Variants in DUSP12 observed in about 807,000 individuals in gnomAD.
DUSP12 encodes the protein dual specificity protein phosphatase 12.
A neutral mutation model predicts 38.9 loss-of-function variants in DUSP12; 25 were observed. The ratio of observed to expected loss-of-function variants is 0.64; its 90% CI spans 0.47 to 0.90. The LOEUF is 0.90. Among genes scored for constraint, DUSP12 ranks in the 40% least tolerant of loss-of-function variants. The pLI is 0.00. For missense variants in DUSP12, 403 were observed against 427.0 expected (o/e 0.94, Z 0.50); for synonymous variants, 153 against 153.9 (o/e 0.99, Z 0.05).
At chr1:161,750,640 G>C (rs72706016) in intron 1 of DUSP12, among the ~76,000 whole-genome samples, 34,783 of 152,166 alleles carry the variant, frequency 0.23, 5,155 homozygotes, top group Middle Eastern at 0.35. Flanking sequence ...TTGCAGCAAA[G>C]ACAAAAAGAA....
At position 161,749,808 on chromosome 1, in the gene DUSP12, GA is replaced by G. The variant is rs1557941835; in HGVS notation, c.8del (p.Glu3GlyfsTer46). On this transcript the variant is annotated frameshift_variant, in exon 1 of 6. Coordinates refer to ENST00000367943, the MANE Select transcript of DUSP12 (RefSeq NM_007240.3). LOFTEE classifies it high-confidence loss of function. Reference sequence around the variant, plus strand: ...CTTGTCTCTGGGCGCGGCCATGTTGGAGGCTCCGGGCCCGAGTGATGGCTGC... The same window carrying G: ...CTTGTCTCTGGGCGCGGCCATGTTGGGGCTCCGGGCCCGAGTGATGGCTGC... MLEAPGPSDGCEL... is the reference protein window; with the variant it reads MLXAPGPSDGCEL... 3.8e-6 allele frequency: 6 copies of G among 1,574,260 alleles called. No homozygotes were observed. Among genetic ancestry groups the G allele is most frequent in the Non-Finnish European group, 5.2e-6 (6 of 1,161,174 alleles).
intron 1 of DUSP12, 103 bp downstream of exon 1, chr1:161,750,248 G>C: frequency 7.6e-7 from 1 of 1,315,004 alleles, no homozygotes; most frequent in Admixed American, 2.6e-5. Context: ...GCGCGGTCAT[G>C]CCGCGTGAAC....
At position 161,757,024 on chromosome 1, in the gene DUSP12, T is replaced by A; in HGVS notation, c.*77T>A. On this transcript the variant is annotated 3_prime_UTR_variant, in exon 6 of 6. Coordinates refer to ENST00000367943, the MANE Select transcript of DUSP12 (RefSeq NM_007240.3). Reference sequence around the variant, plus strand: ...TTGCTTCTTATCATTCATGGCAGATTGTTTGTGCTTTCAACATTTCATTTG... The same window carrying A: ...TTGCTTCTTATCATTCATGGCAGATAGTTTGTGCTTTCAACATTTCATTTG... The A allele has an allele frequency of 7.3e-7, 1 of 1,377,246 alleles. No homozygotes were observed. The highest frequency in any genetic ancestry group is 2.3e-5 in the Admixed American group (1 of 44,426). 85.3% of individuals were successfully genotyped at this position (1,377,246 alleles called of 1,614,324 possible).
At position 161,751,789 on chromosome 1, in the gene DUSP12, C is replaced by T. The variant is rs769344053; in HGVS notation, c.458+8C>T. The T allele has an allele frequency of 3.1e-6, 5 of 1,603,162 alleles. No homozygotes were observed. The South Asian group carries it at 3.4e-5, about 11-fold the overall frequency. On this transcript the variant is annotated splice_region_variant and intron_variant, in intron 2 of 5. Transcript: ENST00000367943. ...TCTCAAACCAGAGGCTAAGTGGGTTCTTTTTTTATAGTAATAATTATGCTT... is the reference window on the plus strand; with the variant it reads ...TCTCAAACCAGAGGCTAAGTGGGTTTTTTTTTTATAGTAATAATTATGCTT...
In DUSP12 at chr1:161,753,291, T is replaced by C. The variant is rs550098699; in HGVS notation, c.861+30T>C. 2.7e-6 allele frequency: 4 copies of C among 1,493,624 alleles called. No individual in the cohort carries two copies. In the African/African-American group the frequency reaches 5.7e-5, roughly 21 times the overall value. 92.5% of individuals were successfully genotyped at this position (1,493,624 alleles called of 1,614,324 possible). On this transcript the variant is annotated intron_variant, in intron 5 of 5. Coordinates refer to ENST00000367943, the MANE Select transcript of DUSP12 (RefSeq NM_007240.3). Reference sequence around the variant, plus strand: ...GAACACATTTTATTTTCTACAATTTTATTTTATGATCTATATTTTATTCCT... The same window carrying C: ...GAACACATTTTATTTTCTACAATTTCATTTTATGATCTATATTTTATTCCT...
chr1:161,752,272 G>A (rs1418426049), intron 3 of DUSP12, 96 bp from the exon 4 acceptor site: 2 of 873,694 alleles, frequency 2.3e-6, no homozygotes, highest in African/African-American at 3.4e-5. Flanking sequence ...AATTTTTGAG[G>A]TTAGCACTTG....
At position 161,750,028 on chromosome 1, in the gene DUSP12, G is replaced by A; in HGVS notation, c.227G>A (p.Trp76Ter). The change falls in exon 1 of 6, where the codon TGG becomes TAG. Residue 76 changes from tryptophan (W) to a stop codon, truncating the protein, a stop_gained. Transcript: ENST00000367943. LOFTEE classifies it high-confidence loss of function. ...GCGGGGCCTGGGGTCGAGGATCTAT[G>A]GCGCCTCTTCGTGCCAGCGCTGGAC... ...FKAGPGVEDL[W>*]RLFVPALDKP... is the part of the protein sequence containing the mutation. 1.2e-6 allele frequency: 2 copies of A among 1,614,048 alleles called. No homozygotes were observed. The highest frequency in any genetic ancestry group is 4.5e-5 in the East Asian group (2 of 44,884).
rs1256113924 is a variant in DUSP12 at position 161,753,128 on chromosome 1, C to CTA, written c.731_732dup (p.Ala245Ter). On this transcript the variant is annotated frameshift_variant, in exon 5 of 6. Coordinates refer to ENST00000367943, the MANE Select transcript of DUSP12 (RefSeq NM_007240.3). LOFTEE classifies it high-confidence loss of function. ...CTGGATCACCGTGAAGGAAGTGGACCTATAGCCTTTGCCCACAAGAGAATG... is the reference window on the plus strand; with the variant it reads ...CTGGATCACCGTGAAGGAAGTGGACCTATATAGCCTTTGCCCACAAGAGAATG... 1 of 1,613,724 alleles carries CTA rather than the reference C, an allele frequency of 6.2e-7. No individual in the cohort carries two copies. Among genetic ancestry groups the CTA allele is most frequent in the Non-Finnish European group, 8.5e-7 (1 of 1,179,888 alleles).
At chr1:161,751,817 G>A (rs376478716) in intron 2 of DUSP12, 36 bp downstream of exon 2, 2 of 1,601,150 alleles carry the variant, frequency 1.2e-6, no homozygotes, top group African/African-American at 2.7e-5. Context: ...TTATGCTTTT[G>A]TGATATAATT....
chr1:161,756,483 C>CTAGATATATA (rs1684110557), intron 5 of DUSP12, among the ~76,000 whole-genome samples: 1 of 124,700 alleles, frequency 8.0e-6, no homozygotes, highest in Non-Finnish European at 1.7e-5. Context: ...GATTTAAAAG[C>CTAGATATATA]TATATATATA....
intron 4 of DUSP12, 75 bp from the exon 5 acceptor site, chr1:161,752,998 AAG>A: frequency 6.9e-7 from 1 of 1,455,462 alleles, no homozygotes; most frequent in South Asian, 1.4e-5. Flanking sequence ...TCAAAAAAAA[AAG>A]AAATACCGCA....
chr1:161,752,313 C>G, intron 3 of DUSP12, 55 bp from the exon 4 acceptor site: 3 of 1,239,142 alleles, frequency 2.4e-6, no homozygotes, highest in Non-Finnish European at 3.5e-6. Context: ...CTGAATTTAT[C>G]TGAAAATGCA....
At position 161,756,975 on chromosome 1, in the gene DUSP12, A is replaced by T; in HGVS notation, c.*28A>T. 1 of 1,602,626 alleles carries T rather than the reference A, an allele frequency of 6.2e-7. No individual in the cohort carries two copies. Among genetic ancestry groups the T allele is most frequent in the Non-Finnish European group, 8.5e-7 (1 of 1,172,084 alleles). On this transcript the variant is annotated 3_prime_UTR_variant, in exon 6 of 6. Transcript: ENST00000367943. ...ATGATATTTTATAGCTTGGGAAGAA[A>T]CTTGCAGATGATATGTGCTGCCTTT... is the stretch of plus-strand genomic sequence containing the variant.
At position 161,752,078 on chromosome 1, in the gene DUSP12, CTA is replaced by C. The variant is rs1221639119; in HGVS notation, c.577+96_577+97del. ...CTTACTTCCAGCAATCCCTGAGAAACTATTGTTTCTTTTTGAAACTGATTTAG... is the reference window on the plus strand; with the variant it reads ...CTTACTTCCAGCAATCCCTGAGAAACTTGTTTCTTTTTGAAACTGATTTAG... On this transcript the variant is annotated intron_variant, in intron 3 of 5. Transcript: ENST00000367943. 3.3e-6 allele frequency: 3 copies of C among 901,234 alleles called. No homozygotes were observed. In the African/African-American group the frequency reaches 5.0e-5, roughly 15 times the overall value. 55.8% of individuals were successfully genotyped at this position (901,234 alleles called of 1,614,324 possible).
chr1:161,752,122 C>CA (rs1423789007), intron 3 of DUSP12, 138 bp downstream of exon 3: 49 of 751,072 alleles, frequency 6.5e-5, no homozygotes, highest in Middle Eastern at 3.9e-4. Flanking sequence ...ATAACCTATT[C>CA]AAAATCACAT....
chr1:161,750,060 GA>G lies in DUSP12; in HGVS notation c.260del (p.Glu87GlyfsTer39). The G allele has an allele frequency of 1.2e-6, 2 of 1,614,042 alleles. No homozygotes were observed. Among genetic ancestry groups the G allele is most frequent in the Non-Finnish European group, 1.7e-6 (2 of 1,179,984 alleles). On this transcript the variant is annotated frameshift_variant, in exon 1 of 6. Transcript: ENST00000367943. LOFTEE classifies it high-confidence loss of function. ...RLFVPALDKP[E>X]TDLLSHLDRC... Reference sequence around the variant, plus strand: ...CTTCGTGCCAGCGCTGGACAAACCCGAGACGGACCTACTCAGCCATCTGGAC... The same window carrying G: ...CTTCGTGCCAGCGCTGGACAAACCCGGACGGACCTACTCAGCCATCTGGAC...
At chr1:161,754,427 A>G (rs1263415011) in intron 5 of DUSP12, among the ~76,000 whole-genome samples, 7 of 152,158 alleles carry the variant, frequency 4.6e-5, no homozygotes, top group African/African-American at 1.7e-4. Context: ...AAGTGTATTC[A>G]CAGTGGTTTT....
intron 4 of DUSP12, 53 bp downstream of exon 4, chr1:161,752,517 G>A (rs1684041701): frequency 1.7e-6 from 2 of 1,175,316 alleles, no homozygotes; most frequent in Non-Finnish European, 2.4e-6. Context: ...TAGCTGAAAA[G>A]TACTTAATGT....
chr1:161,755,831 A>T (rs551615544), intron 5 of DUSP12, among the ~76,000 whole-genome samples: 1 of 152,276 alleles, frequency 6.6e-6, no homozygotes, highest in East Asian at 1.9e-4. Context: ...ACATAATAAA[A>T]TTTGTTAGTT....
Sources: gnomAD v4.1 joint callset for allele counts (sites outside exome capture counted in the v4.1 genomes callset) on GRCh38, gnomAD v4.1.1 for gene constraint, MANE v1.5 for transcripts, NCBI Gene and HGNC (gene_info 2026-07-23, HGNC 2026-07-21) for gene names.